MECOM: variants seen among roughly 807,000 people sequenced by gnomAD.
MECOM encodes histone-lysine N-methyltransferase MECOM.
MECOM carries 13 observed loss-of-function variants against 116.3 expected under a neutral mutation model. The ratio of observed to expected loss-of-function variants is 0.11; its 90% CI spans 0.07 to 0.18. The LOEUF (loss-of-function observed/expected upper bound fraction) is 0.18, where lower values mean the gene tolerates loss of function less well. Among genes scored for constraint, MECOM ranks in the 10% least tolerant of loss-of-function variants. The pLI is 1.00. For synonymous variants in MECOM, 528 were observed against 535.2 expected, an observed-to-expected ratio of 0.99 and a Z score of 0.19; for missense variants, 1,299 against 1,509.0, an observed-to-expected ratio of 0.86 and a Z score of 2.31.
intron 2 of MECOM, among the ~76,000 whole-genome samples, chr3:169,278,289 T>A (rs1759862662): frequency 6.6e-6 from 1 of 152,226 alleles, no homozygotes; most frequent in Non-Finnish European, 1.5e-5. Flanking sequence ...AAGCCAGGCC[T>A]TGATCTTGCC....
intron 1 of MECOM, among the ~76,000 whole-genome samples, chr3:169,514,524 G>A (rs910335296): frequency 2.0e-5 from 3 of 152,186 alleles, no homozygotes; most frequent in Non-Finnish European, 2.9e-5. Flanking sequence ...AAGGTGAATG[G>A]AGGATCAACT....
chr3:169,233,216 A>G (rs559811439), intron 2 of MECOM, among the ~76,000 whole-genome samples: 9 of 152,254 alleles, frequency 5.9e-5, no homozygotes, highest in Admixed American at 3.3e-4. Context: ...GGTCCCAAAC[A>G]TGGTGCTGTA....
intron 1 of MECOM, among the ~76,000 whole-genome samples, chr3:169,467,670 G>A (rs139997638): frequency 1.8e-4 from 27 of 152,208 alleles, no homozygotes; most frequent in African/African-American, 6.5e-4. Context: ...TCCTACCGCT[G>A]GCTAATTTCA....
At chr3:169,441,274 T>G (rs1296026923) in intron 1 of MECOM, among the ~76,000 whole-genome samples, 1 of 152,196 alleles carries the variant, frequency 6.6e-6, no homozygotes, top group Non-Finnish European at 1.5e-5. Flanking sequence ...CACGTTTCTG[T>G]GCTGTATGAC....
At chr3:169,231,104 T>C (rs922311793) in intron 2 of MECOM, among the ~76,000 whole-genome samples, 1 of 152,170 alleles carries the variant, frequency 6.6e-6, no homozygotes, top group Non-Finnish European at 1.5e-5. Flanking sequence ...TGGATGTTAT[T>C]GCATCTATAG....
chr3:169,320,449 G>T (rs991443148), intron 2 of MECOM, among the ~76,000 whole-genome samples: 3 of 152,220 alleles, frequency 2.0e-5, no homozygotes, highest in Non-Finnish European at 4.4e-5. Flanking sequence ...AGAGGGATCT[G>T]AGTAGAGGTA....
At chr3:169,369,524 A>AT (rs1306010762) in intron 2 of MECOM, among the ~76,000 whole-genome samples, 2 of 151,086 alleles carry the variant, frequency 1.3e-5, no homozygotes, top group Non-Finnish European at 3.0e-5. Flanking sequence ...TTTTTAATTT[A>AT]TTTTTTGTAA....
chr3:169,334,071 G>C (rs1215277133), intron 2 of MECOM, among the ~76,000 whole-genome samples: 2 of 151,924 alleles, frequency 1.3e-5, no homozygotes, highest in Non-Finnish European at 2.9e-5. Context: ...AAACTTTCTA[G>C]AATGGAATGT....
intron 2 of MECOM, chr3:169,147,476 G>C (rs922344921): frequency 2.0e-6 from 2 of 985,490 alleles, no homozygotes; most frequent in Non-Finnish European, 1.2e-6. Context: ...TGATCTGATC[G>C]GAAGCCAGAC....
At chr3:169,214,050 C>A (rs1751115265) in intron 2 of MECOM, among the ~76,000 whole-genome samples, 2 of 152,044 alleles carry the variant, frequency 1.3e-5, no homozygotes, top group Admixed American at 1.3e-4. Context: ...TGTATGATAC[C>A]ATTCATCTAA....
At chr3:169,092,014 C>T (rs773714579) in intron 14 of MECOM, among the ~76,000 whole-genome samples, 23 of 152,162 alleles carry the variant, frequency 1.5e-4, no homozygotes, top group Non-Finnish European at 2.9e-4. Context: ...GAAAAGTCTA[C>T]TTCTCAACAA....
intron 2 of MECOM, among the ~76,000 whole-genome samples, chr3:169,337,304 T>C (rs1342154839): frequency 1.3e-5 from 2 of 152,154 alleles, no homozygotes; most frequent in Admixed American, 1.3e-4. Flanking sequence ...GTAGGACATT[T>C]CTACATTCAT....
intron 1 of MECOM, among the ~76,000 whole-genome samples, chr3:169,660,033 G>T (rs1005929465): frequency 1.3e-5 from 2 of 152,168 alleles, no homozygotes; most frequent in Non-Finnish European, 2.9e-5. Context: ...GAATTCCCGC[G>T]CGTTGTCACT....
chr3:169,247,292 C>G (rs114394107), intron 2 of MECOM, among the ~76,000 whole-genome samples: 1 of 150,696 alleles, frequency 6.6e-6, no homozygotes, highest in Non-Finnish European at 1.5e-5. Flanking sequence ...AGCTAACCAT[C>G]CACCTAATAC....
chr3:169,184,294 A>T (rs1212476004), intron 2 of MECOM, among the ~76,000 whole-genome samples: 1 of 152,122 alleles, frequency 6.6e-6, no homozygotes, highest in Non-Finnish European at 1.5e-5. Flanking sequence ...AAGAAGAATA[A>T]ACGTGACCAT....
intron 1 of MECOM, among the ~76,000 whole-genome samples, chr3:169,416,099 T>C (rs962594415): frequency 6.6e-6 from 1 of 152,186 alleles, no homozygotes; most frequent in Non-Finnish European, 1.5e-5. Context: ...ATAGCACTTA[T>C]TCTAAAACCG....
chr3:169,433,019 T>G (rs1006248315), intron 1 of MECOM, among the ~76,000 whole-genome samples: 13 of 152,228 alleles, frequency 8.5e-5, no homozygotes, highest in Admixed American at 7.9e-4. Flanking sequence ...CCACCAGGTA[T>G]GTACTGAAGC....
At chr3:169,604,448 G>C (rs1189349534) in intron 1 of MECOM, among the ~76,000 whole-genome samples, 1 of 152,196 alleles carries the variant, frequency 6.6e-6, no homozygotes, top group African/African-American at 2.4e-5. Context: ...TTAATGATGG[G>C]CTGGAAGAAA....
intron 1 of MECOM, among the ~76,000 whole-genome samples, chr3:169,567,747 AAAG>A (rs1763402162): frequency 6.6e-6 from 1 of 152,180 alleles, no homozygotes; most frequent in Non-Finnish European, 1.5e-5. Context: ...CTTGTTTTCT[AAAG>A]TTGTTAATTT....
Sources: allele counts gnomAD v4.1 joint callset (sites outside exome capture counted in the v4.1 genomes callset), GRCh38; gene constraint gnomAD v4.1.1; transcripts MANE v1.5; gene names NCBI Gene and HGNC (gene_info 2026-07-23, HGNC 2026-07-21).